Variants in SLC4A10 observed in about 807,000 individuals in gnomAD.
The protein encoded by SLC4A10 is solute carrier family 4 member 10, also known as sodium-driven chloride bicarbonate exchanger.
A neutral mutation model predicts 137.7 loss-of-function variants in SLC4A10; 42 were observed. That is an observed-to-expected ratio of 0.30 (90% CI 0.24 to 0.39). The LOEUF (loss-of-function observed/expected upper bound fraction) is 0.39, where lower values mean the gene tolerates loss of function less well. SLC4A10 is among the 10% of genes least tolerant of loss of function. The pLI is 1.00. For synonymous variants in SLC4A10, 474 were observed against 464.1 expected, an observed-to-expected ratio of 1.02 and a Z score of -0.27; for missense variants, 925 against 1,355.0, an observed-to-expected ratio of 0.68 and a Z score of 4.98.
At position 161,802,138 on chromosome 2, in the gene SLC4A10, T is replaced by A. The variant is rs570930327; in HGVS notation, c.131-2311T>A. ...AATTATAATTTTTCACTTGCCTGCATGAATCCATACAGGACAAAAACCTGA... is the reference window on the plus strand; with the variant it reads ...AATTATAATTTTTCACTTGCCTGCAAGAATCCATACAGGACAAAAACCTGA... On this transcript the variant is annotated intron_variant, in intron 2 of 26. Coordinates refer to ENST00000446997, the MANE Select transcript of SLC4A10 (RefSeq NM_001178015.2). 4.6e-5 allele frequency among the ~76,000 whole-genome samples: 7 copies of A among 152,268 alleles called. No individual in the cohort carries two copies. The South Asian group carries it at 1.4e-3, about 32-fold the overall frequency.
intron 1 of SLC4A10, among the ~76,000 whole-genome samples, chr2:161,769,932 C>A (rs2051367300): frequency 7.2e-6 from 1 of 138,946 alleles, no homozygotes; most frequent in African/African-American, 2.5e-5. Flanking sequence ...GTCTGATGCT[C>A]CAATGTAGTT....
At chr2:161,917,693 A>T (rs994122685) in intron 15 of SLC4A10, among the ~76,000 whole-genome samples, 2 of 152,088 alleles carry the variant, frequency 1.3e-5, no homozygotes, top group Non-Finnish European at 2.9e-5. Flanking sequence ...CTGCATCCTC[A>T]CTGTCACAAA....
intron 26 of SLC4A10, among the ~76,000 whole-genome samples, chr2:161,980,239 A>AC (rs1219404962): frequency 6.6e-6 from 1 of 151,674 alleles, no homozygotes; most frequent in African/African-American, 2.4e-5. Context: ...TATCCGCTCT[A>AC]CCCCCCAACA....
chr2:161,968,262 T>C (rs1174954458), intron 23 of SLC4A10, among the ~76,000 whole-genome samples: 2 of 152,182 alleles, frequency 1.3e-5, no homozygotes, highest in African/African-American at 2.4e-5. Context: ...TAGCTATGCA[T>C]GTATGGTACT....
chr2:161,650,235 G>A (rs555313834), intron 1 of SLC4A10, among the ~76,000 whole-genome samples: 15 of 152,278 alleles, frequency 9.9e-5, no homozygotes, highest in African/African-American at 2.6e-4. Context: ...TCCTTGATTC[G>A]GACTTGTATG....
At chr2:161,921,487 T>C (rs1417219450) in intron 15 of SLC4A10, among the ~76,000 whole-genome samples, 1 of 152,160 alleles carries the variant, frequency 6.6e-6, no homozygotes, top group East Asian at 1.9e-4. Context: ...TCCTGACTAC[T>C]GGCTGAGACA....
chr2:161,927,727 T>G (rs1689439382), intron 15 of SLC4A10, among the ~76,000 whole-genome samples: 1 of 152,122 alleles, frequency 6.6e-6, no homozygotes, highest in Non-Finnish European at 1.5e-5. Flanking sequence ...GAACAGACAC[T>G]TCTTAAAAGA....
intron 1 of SLC4A10, among the ~76,000 whole-genome samples, chr2:161,659,056 A>G (rs1024662567): frequency 6.6e-6 from 1 of 152,154 alleles, no homozygotes; most frequent in Non-Finnish European, 1.5e-5. Flanking sequence ...TACTGGGTAC[A>G]TATCCAAAGG....
Position 161,624,466 on chromosome 2 carries a change from A to C in SLC4A10, c.-53A>C. ...CAGAGCGAGTGCCGGGCTGAGTGTA[A>C]GACACTGAAGACACTGCAGAGCAAG... On this transcript the variant is annotated 5_prime_UTR_variant, in exon 1 of 27. Transcript: ENST00000446997. 6.4e-7 allele frequency: 1 copy of C among 1,551,044 alleles called. No individual in the cohort carries two copies.
chr2:161,918,948 A>C (rs1476718444), intron 15 of SLC4A10, among the ~76,000 whole-genome samples: 3 of 152,198 alleles, frequency 2.0e-5, no homozygotes, highest in Non-Finnish European at 4.4e-5. Flanking sequence ...CCATTGCTGC[A>C]GACCCAGGCA....
At chr2:161,943,913 A>G (rs1415694098) in intron 16 of SLC4A10, among the ~76,000 whole-genome samples, 3 of 151,988 alleles carry the variant, frequency 2.0e-5, no homozygotes, top group Non-Finnish European at 4.4e-5. Flanking sequence ...TCTATTGACT[A>G]TATTCTTGAT....
intron 1 of SLC4A10, among the ~76,000 whole-genome samples, chr2:161,734,714 T>C (rs1389364934): frequency 1.3e-5 from 2 of 152,118 alleles, no homozygotes; most frequent in Non-Finnish European, 2.9e-5. Context: ...CAAAAACATA[T>C]CTTGTTTCTC....
intron 1 of SLC4A10, 110 bp from the exon 2 acceptor site, chr2:161,770,863 T>C (rs1225806710): frequency 2.8e-6 from 2 of 710,926 alleles, no homozygotes; most frequent in Admixed American, 5.6e-5. Flanking sequence ...AACAACTAGA[T>C]TTAAATGACT....
chr2:161,938,720 A>G (rs936919301), intron 15 of SLC4A10, among the ~76,000 whole-genome samples: 3 of 151,440 alleles, frequency 2.0e-5, no homozygotes, highest in Admixed American at 6.6e-5. Flanking sequence ...AAAAAAAAAA[A>G]AGAGAGACAA....
At chr2:161,950,019 G>A (rs1370116940) in intron 18 of SLC4A10, among the ~76,000 whole-genome samples, 1 of 151,792 alleles carries the variant, frequency 6.6e-6, no homozygotes, top group East Asian at 1.9e-4. Context: ...CTTCTATATA[G>A]GGCTCTTGTC....
chr2:161,896,365 T>C (rs1320104955), intron 11 of SLC4A10, among the ~76,000 whole-genome samples: 1 of 152,048 alleles, frequency 6.6e-6, no homozygotes, highest in African/African-American at 2.4e-5. Flanking sequence ...CCAGCTTTGT[T>C]CTTTTGGCTT....
intron 1 of SLC4A10, among the ~76,000 whole-genome samples, chr2:161,762,382 A>T (rs2050343405): frequency 6.6e-6 from 1 of 152,116 alleles, no homozygotes; most frequent in Admixed American, 6.6e-5. Flanking sequence ...TTAGTATTTA[A>T]ATTCTTGTAA....
At chr2:161,707,039 G>A (rs1213603897) in intron 1 of SLC4A10, among the ~76,000 whole-genome samples, 2 of 151,562 alleles carry the variant, frequency 1.3e-5, no homozygotes, top group Admixed American at 1.3e-4. Flanking sequence ...AATATAGAAA[G>A]AGAGACGATG....
intron 1 of SLC4A10, among the ~76,000 whole-genome samples, chr2:161,653,719 G>A (rs888739802): frequency 6.6e-6 from 1 of 152,158 alleles, no homozygotes. Context: ...AATATGGCAG[G>A]ATATTCTTCT....
Sources: allele counts gnomAD v4.1 joint callset (sites outside exome capture counted in the v4.1 genomes callset), GRCh38; gene constraint gnomAD v4.1.1; transcripts MANE v1.5; gene names NCBI Gene and HGNC (gene_info 2026-07-23, HGNC 2026-07-21).